The following EPC2 variants were observed in gnomAD, a reference collection of about 807,000 sequenced individuals.
The protein encoded by EPC2 is enhancer of polycomb homolog 2.
A neutral mutation model predicts 92.1 loss-of-function variants in EPC2; 14 were observed. The ratio of observed to expected loss-of-function variants is 0.15; its 90% CI spans 0.10 to 0.24. The LOEUF (loss-of-function observed/expected upper bound fraction) is 0.24, where lower values mean the gene tolerates loss of function less well. Among genes scored for constraint, EPC2 ranks in the 10% least tolerant of loss-of-function variants. EPC2 has a pLI of 1.00. For synonymous variants in EPC2, 340 were observed against 334.7 expected (o/e 1.02, Z -0.17); for missense variants, 755 against 971.5 (o/e 0.78, Z 2.96).
intron 2 of EPC2, among the ~76,000 whole-genome samples, chr2:148,737,786 CTAACAG>C (rs1459878104): frequency 6.6e-6 from 1 of 151,744 alleles, no homozygotes; most frequent in Non-Finnish European, 1.5e-5. Flanking sequence ...ATAAAATACA[CTAACAG>C]TAATGATAGC....
At chr2:148,743,528 C>G in intron 2 of EPC2, 94 bp from the exon 3 acceptor site, 2 of 996,442 alleles carry the variant, frequency 2.0e-6, no homozygotes, top group Non-Finnish European at 1.4e-6. Flanking sequence ...AGTCAGTGCA[C>G]TGTAATTTAG....
At position 148,744,992 on chromosome 2, in the gene EPC2, C is replaced by CCCG. The variant is rs1553448425; in HGVS notation, c.459+1227_459+1228insGCC. On this transcript the variant is annotated intron_variant, in intron 3 of 13. Coordinates refer to ENST00000258484, the MANE Select transcript of EPC2 (RefSeq NM_015630.4). ...TGCATATTTAGCCTATCAGTTTGCC[C>CCCG]CCCCCCCCCGCACCATTTTGATGAA... 1.9e-5 allele frequency among the ~76,000 whole-genome samples: 2 copies of CCCG among 103,430 alleles called. 1 individual carries two copies. Among genetic ancestry groups the CCCG allele is most frequent in the Non-Finnish European group, 4.6e-5 (2 of 43,810 alleles). 67.9% of individuals were successfully genotyped at this position (103,430 alleles called of 152,430 possible).
At chr2:148,722,264 T>C (rs1682394492) in intron 2 of EPC2, among the ~76,000 whole-genome samples, 1 of 152,144 alleles carries the variant, frequency 6.6e-6, no homozygotes, top group South Asian at 2.1e-4. Context: ...TTTCCCCCCT[T>C]AGGGTGGGAC....
chr2:148,761,279 T>G (rs1683296290), intron 4 of EPC2, among the ~76,000 whole-genome samples: 1 of 152,236 alleles, frequency 6.6e-6, no homozygotes, highest in Non-Finnish European at 1.5e-5. Flanking sequence ...TCTGAGTTTC[T>G]GAAGTGAAGC....
chr2:148,763,482 T>C (rs1683342746), intron 6 of EPC2, among the ~76,000 whole-genome samples: 3 of 152,206 alleles, frequency 2.0e-5, no homozygotes, highest in Admixed American at 2.0e-4. Flanking sequence ...AGGAAACAGA[T>C]ATTGACTGAA....
chr2:148,648,579 G>A (rs1268141040), intron 1 of EPC2, among the ~76,000 whole-genome samples: 1 of 152,144 alleles, frequency 6.6e-6, no homozygotes, highest in Non-Finnish European at 1.5e-5. Context: ...TCTCTGAACT[G>A]TGCTGTCCTG....
intron 7 of EPC2, among the ~76,000 whole-genome samples, chr2:148,765,449 C>T (rs1452293348): frequency 6.6e-6 from 1 of 152,020 alleles, no homozygotes; most frequent in African/African-American, 2.4e-5. Flanking sequence ...TTACTAGTTA[C>T]TAACCAAAAA....
chr2:148,721,250 T>A lies in EPC2; in HGVS notation c.314-22372T>A, dbSNP rs115951559. On this transcript the variant is annotated intron_variant, in intron 2 of 13. Coordinates refer to ENST00000258484, the MANE Select transcript of EPC2 (RefSeq NM_015630.4). ...ACAAAGTCCTCAATTTTTATTTGTCTGAGAAAGTTTTTATTTCTCCTTCAC... is the reference window on the plus strand; with the variant it reads ...ACAAAGTCCTCAATTTTTATTTGTCAGAGAAAGTTTTTATTTCTCCTTCAC... Among the ~76,000 whole-genome samples the A allele has an allele frequency of 7.1e-3, 1,086 of 152,202 alleles. 6 individuals carry two copies. The highest frequency in any genetic ancestry group is 0.025 in the African/African-American group (1,020 of 41,542).
chr2:148,713,752 T>G (rs1322094012), intron 2 of EPC2, among the ~76,000 whole-genome samples: 1 of 152,218 alleles, frequency 6.6e-6, no homozygotes, highest in Non-Finnish European at 1.5e-5. Flanking sequence ...CACAGTTGCC[T>G]ACACTAGCAT....
intron 3 of EPC2, among the ~76,000 whole-genome samples, chr2:148,753,392 G>T (rs1683115667): frequency 6.6e-6 from 1 of 152,186 alleles, no homozygotes; most frequent in South Asian, 2.1e-4. Context: ...ATTGCATAAT[G>T]TTGAAACTTC....
chr2:148,696,165 G>A (rs1036933294), intron 2 of EPC2, among the ~76,000 whole-genome samples: 1 of 152,206 alleles, frequency 6.6e-6, no homozygotes, highest in Non-Finnish European at 1.5e-5. Flanking sequence ...GATATGAAAG[G>A]AGGCCAGGCA....
intron 5 of EPC2, 73 bp downstream of exon 5, chr2:148,762,003 T>G: frequency 7.7e-7 from 1 of 1,295,154 alleles, no homozygotes; most frequent in South Asian, 1.5e-5. Context: ...CAAAAGATTT[T>G]TAGGGGGGAA....
At chr2:148,765,780 A>G (rs1412300034) in intron 7 of EPC2, among the ~76,000 whole-genome samples, 3 of 152,130 alleles carry the variant, frequency 2.0e-5, no homozygotes, top group Admixed American at 1.3e-4. Flanking sequence ...GCTCACTCCT[A>G]TAATCCCAGC....
At chr2:148,721,346 A>G (rs1346435409) in intron 2 of EPC2, among the ~76,000 whole-genome samples, 1 of 151,734 alleles carries the variant, frequency 6.6e-6, no homozygotes, top group East Asian at 1.9e-4. Context: ...TTTTAACTCA[A>G]CACATGAAAT....
intron 5 of EPC2, among the ~76,000 whole-genome samples, 193 bp from the exon 6 acceptor site, chr2:148,762,477 T>C (rs1574628812): frequency 6.6e-6 from 1 of 152,076 alleles, no homozygotes; most frequent in South Asian, 2.1e-4. Flanking sequence ...CTTAGGCCTT[T>C]TTTAGTTTTT....
chr2:148,648,411 A>G (rs1450711101), intron 1 of EPC2, among the ~76,000 whole-genome samples: 1 of 152,238 alleles, frequency 6.6e-6, no homozygotes, highest in Non-Finnish European at 1.5e-5. Context: ...CATACATTTC[A>G]CAAATGTTTT....
intron 2 of EPC2, among the ~76,000 whole-genome samples, chr2:148,703,316 T>C (rs1407120668): frequency 6.6e-6 from 1 of 152,082 alleles, no homozygotes; most frequent in Admixed American, 6.6e-5. Flanking sequence ...GTTTATTAGA[T>C]TATAGTGCAG....
At chr2:148,678,129 C>T (rs1473673805) in intron 1 of EPC2, among the ~76,000 whole-genome samples, 1 of 152,202 alleles carries the variant, frequency 6.6e-6, no homozygotes, top group African/African-American at 2.4e-5. Context: ...GAGCTAGACA[C>T]AAAGGTTCTC....
intron 1 of EPC2, among the ~76,000 whole-genome samples, chr2:148,680,411 AG>A (rs1681370894): frequency 6.6e-6 from 1 of 152,226 alleles, no homozygotes; most frequent in African/African-American, 2.4e-5. Context: ...GGTGTTTAAT[AG>A]GTGTTCTCAA....
Sources: allele counts gnomAD v4.1 joint callset (sites outside exome capture counted in the v4.1 genomes callset), GRCh38; gene constraint gnomAD v4.1.1; transcripts MANE v1.5; gene names NCBI Gene and HGNC (gene_info 2026-07-23, HGNC 2026-07-21).